Variants in SCHIP1 observed in about 807,000 individuals in gnomAD.
SCHIP1 encodes schwannomin-interacting protein 1.
In SCHIP1, 8 loss-of-function variants were observed where a neutral mutation model predicts 29.7. The ratio of observed to expected loss-of-function variants is 0.27; its 90% CI spans 0.16 to 0.49. The LOEUF (loss-of-function observed/expected upper bound fraction) is 0.49, where lower values mean the gene tolerates loss of function less well. Ranked by LOEUF, SCHIP1 falls within the 20% of genes least tolerant of loss-of-function variation. The pLI is 0.99. For missense variants in SCHIP1, 193 were observed against 294.6 expected (o/e 0.66, Z 2.52); for synonymous variants, 76 against 94.9 (o/e 0.80, Z 1.16).
chr3:159,606,574 A>T, the SCHIP1 span, among the ~76,000 whole-genome samples: 1 of 152,148 alleles, frequency 6.6e-6, no homozygotes, highest in African/African-American at 2.4e-5. Context: ...TGAAGGGGCT[A>T]CTTAAGAGGT....
the SCHIP1 span, among the ~76,000 whole-genome samples, chr3:159,632,542 C>A: frequency 0.016 from 2,435 of 152,312 alleles, 33 homozygotes; most frequent in Non-Finnish European, 0.024. Flanking sequence ...GTTGTATTAG[C>A]AACTGGCTTC....
the SCHIP1 span, among the ~76,000 whole-genome samples, chr3:159,510,430 G>T: frequency 7.9e-5 from 12 of 152,062 alleles, no homozygotes; most frequent in African/African-American, 2.7e-4. Flanking sequence ...CCTTTAGCTC[G>T]GGGAAGTTTG....
the SCHIP1 span, among the ~76,000 whole-genome samples, chr3:159,550,898 A>AT: frequency 1.3e-5 from 2 of 152,164 alleles, no homozygotes; most frequent in Non-Finnish European, 2.9e-5. Flanking sequence ...ACTATGTAAT[A>AT]TTTTTATTTA....
At chr3:159,556,333 G>T in the SCHIP1 span, among the ~76,000 whole-genome samples, 5 of 152,078 alleles carry the variant, frequency 3.3e-5, no homozygotes, top group African/African-American at 4.8e-5. Flanking sequence ...CTGTAAACTA[G>T]TTCAACCATT....
At chr3:159,626,222 A>C in the SCHIP1 span, among the ~76,000 whole-genome samples, 50 of 109,802 alleles carry the variant, frequency 4.6e-4, 6 homozygotes, top group East Asian at 3.1e-3. Flanking sequence ...ATCTAGATAT[A>C]TATATATCTA....
At chr3:159,500,555 T>A in the SCHIP1 span, among the ~76,000 whole-genome samples, 1 of 151,634 alleles carries the variant, frequency 6.6e-6, no homozygotes, top group African/African-American at 2.4e-5. Flanking sequence ...CTACTACAAA[T>A]ACAAAAAAAT....
the SCHIP1 span, among the ~76,000 whole-genome samples, chr3:159,705,910 T>C: frequency 6.6e-6 from 1 of 152,098 alleles, no homozygotes; most frequent in African/African-American, 2.4e-5. Context: ...TTTCACCATC[T>C]TGGCCAGGCT....
At chr3:159,751,778 C>G in the SCHIP1 span, among the ~76,000 whole-genome samples, 1 of 152,108 alleles carries the variant, frequency 6.6e-6, no homozygotes, top group Non-Finnish European at 1.5e-5. Context: ...GATCTCCTAA[C>G]CTCATGATCT....
At chr3:159,405,644 C>T in the SCHIP1 span, among the ~76,000 whole-genome samples, 8 of 151,440 alleles carry the variant, frequency 5.3e-5, no homozygotes, top group African/African-American at 1.7e-4. Flanking sequence ...TTTGGGAGGC[C>T]GAGGCAGGCA....
chr3:159,609,099 A>G, the SCHIP1 span, among the ~76,000 whole-genome samples: 1 of 152,246 alleles, frequency 6.6e-6, no homozygotes, highest in Non-Finnish European at 1.5e-5. Context: ...AGATGCATCC[A>G]TAAACAAAGT....
intron 1 of SCHIP1, chr3:159,845,673 C>T (rs922443257): frequency 2.0e-5 from 3 of 152,210 alleles, no homozygotes; most frequent in African/African-American, 7.2e-5. Context: ...TGAGCCACCG[C>T]GCCTGGCCGA....
At chr3:159,396,886 A>C in the SCHIP1 span, among the ~76,000 whole-genome samples, 1 of 151,116 alleles carries the variant, frequency 6.6e-6, no homozygotes, top group African/African-American at 2.4e-5. Context: ...AGACTGGGGA[A>C]GTTCTCCTGA....
chr3:159,378,321 T>C, the SCHIP1 span, among the ~76,000 whole-genome samples: 2 of 152,232 alleles, frequency 1.3e-5, no homozygotes, highest in African/African-American at 4.8e-5. Flanking sequence ...TAAGGTGGCA[T>C]GTAGAGGTAT....
the SCHIP1 span, among the ~76,000 whole-genome samples, chr3:159,569,592 A>T: frequency 6.6e-6 from 1 of 152,140 alleles, no homozygotes; most frequent in Non-Finnish European, 1.5e-5. Flanking sequence ...GGTTCGTTCC[A>T]AGTCTTTGCT....
chr3:159,733,309 G>T, the SCHIP1 span, among the ~76,000 whole-genome samples: 1 of 152,130 alleles, frequency 6.6e-6, no homozygotes, highest in Admixed American at 6.5e-5. Flanking sequence ...AGATTTCCTA[G>T]CAGAAATGTG....
chr3:159,538,364 CCTTA>C, the SCHIP1 span, among the ~76,000 whole-genome samples: 2 of 152,028 alleles, frequency 1.3e-5, no homozygotes, highest in Non-Finnish European at 2.9e-5. Context: ...TTGTTATTTT[CCTTA>C]CTTATTAAGT....
chr3:159,666,272 C>T, the SCHIP1 span, among the ~76,000 whole-genome samples: 3 of 152,160 alleles, frequency 2.0e-5, no homozygotes, highest in South Asian at 2.1e-4. Context: ...CACAGCTATA[C>T]GTGACAGCCC....
At chr3:159,381,251 A>AACTT in the SCHIP1 span, among the ~76,000 whole-genome samples, 2 of 152,166 alleles carry the variant, frequency 1.3e-5, no homozygotes, top group African/African-American at 2.4e-5. Context: ...TAAACTTTTG[A>AACTT]ACTTAAAGAG....
chr3:159,324,320 T>C, the SCHIP1 span, among the ~76,000 whole-genome samples: 1 of 152,192 alleles, frequency 6.6e-6, no homozygotes, highest in South Asian at 2.1e-4. Context: ...AATTTATGTA[T>C]GTTTTGACCA....
Sources: gnomAD v4.1 joint callset for allele counts (sites outside exome capture counted in the v4.1 genomes callset) on GRCh38, gnomAD v4.1.1 for gene constraint, MANE v1.5 for transcripts, NCBI Gene and HGNC (gene_info 2026-07-23, HGNC 2026-07-21) for gene names.